The following HMGB1 variants were observed in gnomAD, a reference collection of about 807,000 sequenced individuals.
HMGB1 encodes the protein high mobility group box 1, also known as high mobility group protein B1.
For synonymous variants in HMGB1, 81 were observed against 84.0 expected (o/e 0.96, Z 0.19); for missense variants, 79 against 253.5 (o/e 0.31, Z 4.67).
intron 1 of HMGB1, among the ~76,000 whole-genome samples, chr13:30,512,227 G>A (rs1226363370): frequency 6.6e-6 from 1 of 152,140 alleles, no homozygotes; most frequent in African/African-American, 2.4e-5. Context: ...GGAGGTCAAG[G>A]TAACCCAAAA....
intron 1 of HMGB1, among the ~76,000 whole-genome samples, chr13:30,595,211 T>C (rs1871553979): frequency 6.6e-6 from 1 of 152,240 alleles, no homozygotes; most frequent in African/African-American, 2.4e-5. Context: ...TTTATTTCTT[T>C]TACATATTTC....
At chr13:30,544,792 G>T (rs1869070516) in intron 1 of HMGB1, among the ~76,000 whole-genome samples, 1 of 152,198 alleles carries the variant, frequency 6.6e-6, no homozygotes, top group South Asian at 2.1e-4. Flanking sequence ...ATTTGTAGCT[G>T]GTGGGTCAGA....
chr13:30,554,598 C>A, intron 1 of HMGB1: 1 of 771,164 alleles, frequency 1.3e-6, no homozygotes. Context: ...AAAATAATGA[C>A]TGAAAAATAC....
At chr13:30,554,658 G>A (rs552627994) in intron 1 of HMGB1, 203 of 771,904 alleles carry the variant, frequency 2.6e-4, no homozygotes, top group Admixed American at 4.6e-4. Context: ...GGTGACCGAT[G>A]TACAGTAAAT....
In HMGB1 at chr13:30,460,559, C is replaced by CTATT. The variant is rs1257820874; in HGVS notation, c.*794_*797dup. 2 of 152,360 alleles carry CTATT rather than the reference C, an allele frequency of 1.3e-5. No homozygotes were observed. Among genetic ancestry groups the CTATT allele is most frequent in the East Asian group, 3.8e-4 (2 of 5,198 alleles). 9.4% of individuals were successfully genotyped at this position (152,360 alleles called of 1,614,324 possible). ...CATGTAAAGGTTAGAACATACTTTT[C>CTATT]TATTAGTCCTTCAAGGACAGACTTT... On this transcript the variant is annotated 3_prime_UTR_variant, in exon 5 of 5. Coordinates refer to ENST00000341423, the MANE Select transcript of HMGB1 (RefSeq NM_002128.7).
At chr13:30,597,475 A>C (rs1871666731) in intron 1 of HMGB1, among the ~76,000 whole-genome samples, 1 of 152,224 alleles carries the variant, frequency 6.6e-6, no homozygotes, top group Non-Finnish European at 1.5e-5. Flanking sequence ...CAAGCTACCC[A>C]ATTTGTGGTA....
intron 1 of HMGB1, among the ~76,000 whole-genome samples, chr13:30,571,292 G>GTT (rs557966775): frequency 3.4e-4 from 46 of 135,456 alleles, no homozygotes; most frequent in African/African-American, 4.0e-4. Flanking sequence ...CAAAAAAATG[G>GTT]TTTTTTTTTT....
intron 1 of HMGB1, among the ~76,000 whole-genome samples, chr13:30,614,134 A>C (rs1309975950): frequency 6.6e-6 from 1 of 152,036 alleles, no homozygotes; most frequent in South Asian, 2.1e-4. Context: ...CATGTGTAAA[A>C]TTTTTCTGAA....
intron 1 of HMGB1, among the ~76,000 whole-genome samples, chr13:30,532,712 T>C (rs1026107028): frequency 1.8e-4 from 28 of 152,104 alleles, no homozygotes; most frequent in African/African-American, 6.0e-4. Context: ...TTTCGCCATG[T>C]TAGCTAGGCT....
At chr13:30,608,778 AC>A (rs1458437817) in intron 1 of HMGB1, among the ~76,000 whole-genome samples, 1 of 152,182 alleles carries the variant, frequency 6.6e-6, no homozygotes, top group African/African-American at 2.4e-5. Flanking sequence ...TTTTGAAACA[AC>A]TTTTTTCAGT....
At chr13:30,485,329 C>G (rs904000601) in intron 1 of HMGB1, among the ~76,000 whole-genome samples, 2 of 152,188 alleles carry the variant, frequency 1.3e-5, no homozygotes, top group Non-Finnish European at 2.9e-5. Flanking sequence ...CTGTGCCCAG[C>G]AGGAAAACAT....
intron 1 of HMGB1, among the ~76,000 whole-genome samples, chr13:30,524,863 G>T (rs564071531): frequency 6.6e-6 from 1 of 152,148 alleles, no homozygotes; most frequent in African/African-American, 2.4e-5. Flanking sequence ...TTCACCACAG[G>T]CCCCTCCTAA....
At chr13:30,517,210 C>T (rs1249185969) in intron 1 of HMGB1, among the ~76,000 whole-genome samples, 1 of 152,154 alleles carries the variant, frequency 6.6e-6, no homozygotes, top group Non-Finnish European at 1.5e-5. Flanking sequence ...ATTTCTGATC[C>T]AATGGTCTGG....
chr13:30,561,507 C>G (rs1339108855), intron 1 of HMGB1, among the ~76,000 whole-genome samples: 1 of 152,130 alleles, frequency 6.6e-6, no homozygotes, highest in Non-Finnish European at 1.5e-5. Flanking sequence ...AAAGGAAGGA[C>G]ACTGCTGCCA....
At chr13:30,518,221 C>T (rs1888144989) in intron 1 of HMGB1, among the ~76,000 whole-genome samples, 1 of 152,082 alleles carries the variant, frequency 6.6e-6, no homozygotes, top group Non-Finnish European at 1.5e-5. Flanking sequence ...TCCATAGTCC[C>T]ATCTACTTGA....
At chr13:30,598,707 A>G (rs1204580051) in intron 1 of HMGB1, among the ~76,000 whole-genome samples, 4 of 152,234 alleles carry the variant, frequency 2.6e-5, no homozygotes, top group Admixed American at 6.5e-5. Flanking sequence ...AAGGGGCTAC[A>G]GCCTTGGTGG....
chr13:30,460,182 CTTCT>C lies in HMGB1; in HGVS notation c.*1171_*1174del, dbSNP rs375561440. ...ATTCATACTGAGATGCAAAGTTTGT[CTTCT>C]TTCTTCCTATCTACTTGGATTTATA... On this transcript the variant is annotated 3_prime_UTR_variant, in exon 5 of 5. Transcript: ENST00000341423. 266 of 150,544 alleles carry C rather than the reference CTTCT, an allele frequency of 1.8e-3. 1 individual carries two copies. The highest frequency in any genetic ancestry group is 6.1e-3 in the African/African-American group (244 of 40,082). 9.3% of individuals were successfully genotyped at this position (150,544 alleles called of 1,614,324 possible). A position where few individuals can be genotyped will look rare whatever the true frequency, so the allele number is the denominator to read the frequency against.
At chr13:30,613,117 T>C (rs1288948644) in intron 1 of HMGB1, among the ~76,000 whole-genome samples, 3 of 152,214 alleles carry the variant, frequency 2.0e-5, no homozygotes, top group African/African-American at 7.2e-5. Flanking sequence ...ATGGTCTCTG[T>C]GGTCCAGGCT....
intron 1 of HMGB1, among the ~76,000 whole-genome samples, chr13:30,529,097 C>A (rs965146499): frequency 2.1e-5 from 3 of 139,684 alleles, no homozygotes; most frequent in Admixed American, 7.1e-5. Flanking sequence ...GAAAGAATCA[C>A]ATCCTTTATA....
Sources: allele counts gnomAD v4.1 joint callset (sites outside exome capture counted in the v4.1 genomes callset), GRCh38; gene constraint gnomAD v4.1.1; transcripts MANE v1.5; gene names NCBI Gene and HGNC (gene_info 2026-07-23, HGNC 2026-07-21).